Variants in EXOSC9 observed in about 807,000 individuals in gnomAD.
EXOSC9 encodes exosome complex component RRP45.
A neutral mutation model predicts 56.5 loss-of-function variants in EXOSC9; 38 were observed. That is an observed-to-expected ratio of 0.67 (90% CI 0.52 to 0.88). The LOEUF is 0.88. Ranked by LOEUF, EXOSC9 falls within the 40% of genes least tolerant of loss-of-function variation. The probability of loss-of-function intolerance (pLI) is 0.00; values close to 1 mark genes in which losing one functional copy is unlikely to be tolerated. For missense variants in EXOSC9, 559 were observed against 530.5 expected (o/e 1.05, Z -0.53); for synonymous variants, 170 against 170.8 (o/e 0.99, Z 0.04).
At chr4:121,814,149 C>T (rs1724384519) in intron 10 of EXOSC9, 102 bp downstream of exon 10, 2 of 706,030 alleles carry the variant, frequency 2.8e-6, no homozygotes, top group Non-Finnish European at 2.3e-6. Context: ...TTTATATTAT[C>T]ACTGTATATA....
At chr4:121,801,614 C>G in intron 1 of EXOSC9, 124 bp downstream of exon 1, 1 of 918,392 alleles carries the variant, frequency 1.1e-6, no homozygotes, top group South Asian at 1.4e-5. Flanking sequence ...TTCACCCCAT[C>G]CCTCAGGCTT....
chr4:121,809,827 A>G lies in EXOSC9; in HGVS notation c.606-140A>G, dbSNP rs1378563780. Reference sequence around the variant, plus strand: ...CAATAATTTTCTTGTCTCTTTCCCCATTTCAGTGACCCAAATCCGTAGGCT... The same window carrying G: ...CAATAATTTTCTTGTCTCTTTCCCCGTTTCAGTGACCCAAATCCGTAGGCT... On this transcript the variant is annotated intron_variant, in intron 6 of 11. Coordinates refer to ENST00000243498, the MANE Select transcript of EXOSC9 (RefSeq NM_005033.3). 4 of 864,308 alleles carry G rather than the reference A, an allele frequency of 4.6e-6. No homozygotes were observed. In the East Asian group the frequency reaches 7.5e-5, roughly 16 times the overall value. The allele number at this position is 864,308 out of a possible 1,614,324, so 53.5% of individuals were successfully genotyped here. A position where few individuals can be genotyped will look rare whatever the true frequency, so the allele number is the denominator to read the frequency against.
At chr4:121,816,012 C>A in intron 10 of EXOSC9, 1 of 1,198,182 alleles carries the variant, frequency 8.3e-7, no homozygotes, top group South Asian at 3.3e-5. Flanking sequence ...CTCTGTCACC[C>A]AGACTGGAGT....
At chr4:121,809,232 C>T (rs866543121) in intron 6 of EXOSC9, among the ~76,000 whole-genome samples, 62 of 151,938 alleles carry the variant, frequency 4.1e-4, no homozygotes, top group African/African-American at 1.2e-3. Flanking sequence ...AGTGATCTTG[C>T]AGTCCTGACC....
At chr4:121,808,560 C>A (rs1016067539) in intron 6 of EXOSC9, among the ~76,000 whole-genome samples, 1 of 151,944 alleles carries the variant, frequency 6.6e-6, no homozygotes, top group African/African-American at 2.4e-5. Flanking sequence ...AGAGGTTTTG[C>A]CATATTGCCC....
At position 121,811,577 on chromosome 4, in the gene EXOSC9, A is replaced by G; in HGVS notation, c.739-6A>G. The stretch of plus-strand genomic sequence containing the variant: ...TTTAAACAACAGAATTCACTTTTAT[A>G]AATAGGTTCTGAGATGCAGTAAAAT... On this transcript the variant is annotated splice_polypyrimidine_tract_variant and splice_region_variant and intron_variant, in intron 7 of 11. Coordinates refer to ENST00000243498, the MANE Select transcript of EXOSC9 (RefSeq NM_005033.3). 6.6e-7 allele frequency: 1 copy of G among 1,525,304 alleles called. No homozygotes were observed. The highest frequency in any genetic ancestry group is 8.9e-7 in the Non-Finnish European group (1 of 1,121,916). The allele number at this position is 1,525,304 out of a possible 1,614,324, so 94.5% of individuals were successfully genotyped here. A position where few individuals can be genotyped will look rare whatever the true frequency, so the allele number is the denominator to read the frequency against.
rs766608315 is a variant in EXOSC9 at position 121,802,782 on chromosome 4, C to T, written c.270C>T (p.Phe90=). 2.7e-5 allele frequency: 44 copies of T among 1,613,898 alleles called. No individual in the cohort carries two copies. The highest frequency in any genetic ancestry group is 8.3e-5 in the Admixed American group (5 of 59,970). Residue 90 remains phenylalanine (F), a synonymous_variant, in exon 3 of 12, where the codon TTC becomes TTT. Coordinates refer to ENST00000243498, the MANE Select transcript of EXOSC9 (RefSeq NM_005033.3). Reference sequence around the variant, plus strand: ...TCTCTCAGATGGCCGCTCCAGCTTTCGAACCTGGCAGGTATTTAAATCTTT... The same window carrying T: ...TCTCTCAGATGGCCGCTCCAGCTTTTGAACCTGGCAGGTATTTAAATCTTT... ...LELSQMAAPA[F]EPGRQSDLLV...
rs1256565049 is a variant in EXOSC9, at chr4:121,802,735, A to G, written c.223A>G (p.Ile75Val). 3.7e-6 allele frequency: 6 copies of G among 1,614,006 alleles called. No homozygotes were observed. The highest frequency in any genetic ancestry group is 5.1e-6 in the Non-Finnish European group (6 of 1,179,900). ...AAAACTCAATCGGGCAACAGAAGGT[A>G]TTCTTTTTTTTAACCTTGAACTCTC... is the stretch of plus-strand genomic sequence containing the variant. ...SPKLNRATEG[I>V]LFFNLELSQM... The change falls in exon 3 of 12, where the codon ATT (isoleucine) becomes GTT (valine). Residue 75 changes from isoleucine (I) to valine (V), a missense_variant. Transcript: ENST00000243498.
Position 121,811,615 on chromosome 4 carries a change from A to G in EXOSC9, c.771A>G (p.Lys257=). ...GATGCAGTAAAATCGCTGGTGTGAA[A>G]GTAGCAGAAATTACAGAGCTAATAT... ...VLRCSKIAGV[K]VAEITELILK... is the part of the protein sequence containing the mutation. Residue 257 remains lysine, a synonymous_variant, in exon 8 of 12, where the codon AAA becomes AAG. Transcript: ENST00000243498. 3.8e-6 allele frequency: 6 copies of G among 1,592,956 alleles called. No individual in the cohort carries two copies. In the Middle Eastern group the frequency reaches 9.6e-4, roughly 254 times the overall value.
chr4:121,813,744 T>C (rs1724344193), intron 9 of EXOSC9, 122 bp from the exon 10 acceptor site: 3 of 702,250 alleles, frequency 4.3e-6, no homozygotes, highest in Non-Finnish European at 6.9e-6. Context: ...ATTAAGTTTT[T>C]TTTCCCCTAG....
chr4:121,809,926 C>A (rs370668732), intron 6 of EXOSC9, 41 bp from the exon 7 acceptor site: 19 of 1,610,544 alleles, frequency 1.2e-5, no homozygotes, highest in Non-Finnish European at 1.6e-5. Context: ...GGTAAGCATT[C>A]GGTCTCAGAT....
chr4:121,816,495 T>C (rs1179494441), intron 11 of EXOSC9, 48 bp downstream of exon 11: 3 of 1,214,102 alleles, frequency 2.5e-6, no homozygotes, highest in Non-Finnish European at 3.5e-6. Context: ...ACTCAACACT[T>C]ATAGAGGTTT....
At position 121,813,993 on chromosome 4, in the gene EXOSC9, C is replaced by CT. The variant is rs763257543; in HGVS notation, c.1104dup (p.Asp369Ter). ...AGGCGGTGGTGATCAAGCTATCATT[C>CT]TTGATGGTATAAAAATGGACACTGG... On this transcript the variant is annotated frameshift_variant, in exon 10 of 12. Transcript: ENST00000243498. LOFTEE classifies it high-confidence loss of function. 1.9e-6 allele frequency: 3 copies of CT among 1,613,772 alleles called. No homozygotes were observed. The highest frequency in any genetic ancestry group is 2.5e-6 in the Non-Finnish European group (3 of 1,179,822).
intron 10 of EXOSC9, chr4:121,815,807 G>A: frequency 1.9e-6 from 2 of 1,027,184 alleles, no homozygotes; most frequent in Non-Finnish European, 2.3e-6. Flanking sequence ...TACAAAAGAT[G>A]CTATATACAT....
rs1401714755 is a variant in EXOSC9 at position 121,811,596 on chromosome 4, G to A, written c.752G>A (p.Ser251Asn). Residue 251 changes from serine to asparagine, a missense_variant, in exon 8 of 12, where the codon AGT becomes AAT. Physicochemically the swap from Ser to Asn is conservative, Grantham distance 46 (BLOSUM62 1). Coordinates refer to ENST00000243498, the MANE Select transcript of EXOSC9 (RefSeq NM_005033.3). Reference sequence around the variant, plus strand: ...TTTTATAAATAGGTTCTGAGATGCAGTAAAATCGCTGGTGTGAAAGTAGCA... The same window carrying A: ...TTTTATAAATAGGTTCTGAGATGCAATAAAATCGCTGGTGTGAAAGTAGCA... ...MLLKDQVLRC[S>N]KIAGVKVAEI... 1 of 1,581,880 alleles carries A rather than the reference G, an allele frequency of 6.3e-7. No homozygotes were observed. Among genetic ancestry groups the A allele is most frequent in the East Asian group, 2.3e-5 (1 of 43,986 alleles).
chr4:121,805,090 A>C (rs1399400876), intron 5 of EXOSC9, among the ~76,000 whole-genome samples: 2 of 152,204 alleles, frequency 1.3e-5, no homozygotes, highest in East Asian at 3.8e-4. Context: ...CAGCACAGTG[A>C]GATGCTTACC....
chr4:121,816,674 C>A, intron 11 of EXOSC9, 98 bp from the exon 12 acceptor site: 1 of 1,233,942 alleles, frequency 8.1e-7, no homozygotes, highest in Non-Finnish European at 1.1e-6. Flanking sequence ...ATAGCTGACA[C>A]ATTTTAGATC....
chr4:121,816,895 G>C lies in EXOSC9; in HGVS notation c.*39G>C, dbSNP rs1194023645. On this transcript the variant is annotated 3_prime_UTR_variant, in exon 12 of 12. Transcript: ENST00000243498. ...ATATCTGTATATATAACTATTAAAA[G>C]GGATATTTATTCCATTCTGAGAACC... 4.7e-6 allele frequency: 7 copies of C among 1,474,968 alleles called. No homozygotes were observed. The highest frequency in any genetic ancestry group is 6.3e-6 in the Non-Finnish European group (7 of 1,102,992). 91.4% of individuals were successfully genotyped at this position (1,474,968 alleles called of 1,614,324 possible). A position where few individuals can be genotyped will look rare whatever the true frequency, so the allele number is the denominator to read the frequency against.
At position 121,801,863 on chromosome 4, in the gene EXOSC9, A is replaced by C; in HGVS notation, c.103A>C (p.Ile35Leu). 1.2e-6 allele frequency: 2 copies of C among 1,614,088 alleles called. No individual in the cohort carries two copies. Among genetic ancestry groups the C allele is most frequent in the Non-Finnish European group, 1.7e-6 (2 of 1,179,928 alleles). Residue 35 changes from isoleucine to leucine, a missense_variant, in exon 2 of 12, where the codon ATC becomes CTC. Transcript: ENST00000243498. Reference sequence around the variant, plus strand: ...CAGACAAACCTATGATTATAGGAACATCAGGATCTCATTTGGAACAGATTA... The same window carrying C: ...CAGACAAACCTATGATTATAGGAACCTCAGGATCTCATTTGGAACAGATTA... ...DGRQTYDYRN[I>L]RISFGTDYGC...
Sources: allele counts gnomAD v4.1 joint callset (sites outside exome capture counted in the v4.1 genomes callset), GRCh38; gene constraint gnomAD v4.1.1; transcripts MANE v1.5; gene names NCBI Gene and HGNC (gene_info 2026-07-23, HGNC 2026-07-21).